CCKAR: variants seen among roughly 807,000 people sequenced by gnomAD.
CCKAR encodes cholecystokinin A receptor, also known as cholecystokinin receptor type A.
CCKAR carries 21 observed loss-of-function variants against 29.8 expected under a neutral mutation model. The observed-to-expected ratio is 0.70, with a 90% confidence interval of 0.50 to 1.01. The LOEUF is 1.01. Among genes scored for constraint, CCKAR ranks in the 50% least tolerant of loss-of-function variants. CCKAR has a pLI of 0.00. For missense variants in CCKAR, 570 were observed against 560.6 expected (o/e 1.02, Z -0.17); for synonymous variants, 238 against 221.3 (o/e 1.08, Z -0.67).
chr4:26,481,792 C>T lies in CCKAR; in HGVS notation c.1133G>A (p.Arg378His). The T allele has an allele frequency of 6.2e-7, 1 of 1,613,842 alleles. No homozygotes were observed. The highest frequency in any genetic ancestry group is 8.5e-7 in the Non-Finnish European group (1 of 1,179,884). ...IIYCFMNKRF[R>H]LGFMATFPCC... ...GGGGAAGGTGGCCATGAAGCCGAGGCGGAAGCGTTTGTTCATGAAGCAGTA... is the reference window on the plus strand; with the variant it reads ...GGGGAAGGTGGCCATGAAGCCGAGGTGGAAGCGTTTGTTCATGAAGCAGTA... Residue 378 changes from arginine (R) to histidine (H), a missense_variant, in exon 5 of 5, where the codon CGC becomes CAC. Arg to His is a conservative substitution (Grantham distance 29). Coordinates refer to ENST00000295589, the MANE Select transcript of CCKAR (RefSeq NM_000730.3).
intron 2 of CCKAR, among the ~76,000 whole-genome samples, chr4:26,487,931 T>C (rs570533524): frequency 2.6e-4 from 39 of 152,208 alleles, no homozygotes; most frequent in African/African-American, 9.2e-4. Flanking sequence ...TTTTTTTTTT[T>C]TTCAGAGGAC....
intron 3 of CCKAR, among the ~76,000 whole-genome samples, chr4:26,484,313 G>A (rs1416746178): frequency 1.3e-5 from 2 of 152,142 alleles, no homozygotes; most frequent in African/African-American, 2.4e-5. Context: ...TCCTTTGTGT[G>A]TGTGCTACTT....
intron 3 of CCKAR, among the ~76,000 whole-genome samples, chr4:26,484,385 C>T (rs748364648): frequency 6.6e-6 from 1 of 152,212 alleles, no homozygotes; most frequent in Non-Finnish European, 1.5e-5. Flanking sequence ...GGCTGTTACT[C>T]AATGTCTAGT....
chr4:26,485,465 G>A (rs982459098), intron 3 of CCKAR, among the ~76,000 whole-genome samples, 172 bp downstream of exon 3: 2 of 152,072 alleles, frequency 1.3e-5, no homozygotes, highest in East Asian at 1.9e-4. Context: ...AACAGAGCTC[G>A]CCAGCTAAGT....
At position 26,489,588 on chromosome 4, in the gene CCKAR, G is replaced by A. The variant is rs10009085; in HGVS notation, c.113-104C>T. On this transcript the variant is annotated intron_variant, in intron 1 of 4. Transcript: ENST00000295589. Reference sequence around the variant, plus strand: ...TCCTGCCGATTTTCCCCCCACCGGGGTGTACATCACTGGACCCACGATTCC... The same window carrying A: ...TCCTGCCGATTTTCCCCCCACCGGGATGTACATCACTGGACCCACGATTCC... 3.4e-3 allele frequency: 4,537 copies of A among 1,350,764 alleles called. 110 individuals are homozygous for A. The African/African-American group carries it at 0.057, about 17-fold the overall frequency. The allele number at this position is 1,350,764 out of a possible 1,614,324, so 83.7% of individuals were successfully genotyped here.
intron 3 of CCKAR, among the ~76,000 whole-genome samples, chr4:26,485,293 A>C (rs1338397160): frequency 2.0e-5 from 3 of 152,292 alleles, no homozygotes; most frequent in East Asian, 3.9e-4. Context: ...CTGCATAATG[A>C]TTAAGCACAG....
rs1280617353 is a variant in CCKAR at position 26,489,438 on chromosome 4, C to A, written c.159G>T (p.Leu53=). 5 of 1,614,152 alleles carry A rather than the reference C, an allele frequency of 3.1e-6. No individual in the cohort carries two copies. Among genetic ancestry groups the A allele is most frequent in the Admixed American group, 3.3e-5 (2 of 60,030 alleles). ...CCAGCGTGTTTCCCAGCACGCTGAG[C>A]AGGAATATCAAGGAGTACAAGAGAA... ...VQILLYSLIF[L]LSVLGNTLVI... Residue 53 remains leucine, a synonymous_variant, in exon 2 of 5, where the codon CTG becomes CTT. Transcript: ENST00000295589.
At position 26,485,692 on chromosome 4, in the gene CCKAR, G is replaced by A. The variant is rs1560369019; in HGVS notation, c.571C>T (p.Gln191Ter). The A allele has an allele frequency of 1.9e-6, 3 of 1,614,178 alleles. No homozygotes were observed. The highest frequency in any genetic ancestry group is 2.5e-6 in the Non-Finnish European group (3 of 1,180,026). The change falls in exon 3 of 5, where the codon CAG becomes TAG. Residue 191 changes from glutamine to a stop codon, truncating the protein, a stop_gained. Transcript: ENST00000295589. LOFTEE classifies it high-confidence loss of function. The part of the protein sequence containing the change: ...NLVPFTKNNN[Q>*]TANMCRFLLP... ...AGAAAGCGGCACATATTCGCGGTCT[G>A]GTTGTTATTTTTGGTAAAAGGCACC...
intron 3 of CCKAR, 122 bp downstream of exon 3, chr4:26,485,515 C>T: frequency 1.0e-6 from 1 of 992,570 alleles, no homozygotes; most frequent in South Asian, 1.6e-5. Flanking sequence ...GCTAGAAAGA[C>T]CTTCTCAAAA....
Position 26,484,611 on chromosome 4 carries a change from T to G in CCKAR, c.626+1026A>C, listed in dbSNP as rs1461332395. ...TGTGAATTTGCCTAAGGTGTGCAGT[T>G]AGTAAGCAAAGGAACCAGTATTAGA... On this transcript the variant is annotated intron_variant, in intron 3 of 4. Coordinates refer to ENST00000295589, the MANE Select transcript of CCKAR (RefSeq NM_000730.3). Among the ~76,000 whole-genome samples, 3 of 152,196 alleles carry G rather than the reference T, an allele frequency of 2.0e-5. No homozygotes were observed. The East Asian group carries it at 5.8e-4, about 29-fold the overall frequency.
rs778289728 is a variant in CCKAR at position 26,489,240 on chromosome 4, G to A, written c.357C>T (p.Tyr119=). Residue 119 remains tyrosine (Y), a synonymous_variant, in exon 2 of 5, where the codon TAC becomes TAT. Transcript: ENST00000295589. The stretch of plus-strand genomic sequence containing the variant: ...TCACCAGCAGCAACTTACCCATGAA[G>A]TAGGTGGTGGTCTTGCAAACGGCGC... The part of the protein sequence containing the change: ...FGSAVCKTTT[Y]FMGTSVSVST... 10 of 1,613,962 alleles carry A rather than the reference G, an allele frequency of 6.2e-6. No individual in the cohort carries two copies. Among genetic ancestry groups the A allele is most frequent in the African/African-American group, 1.3e-5 (1 of 74,914 alleles).
At position 26,490,168 on chromosome 4, in the gene CCKAR, G is replaced by A. The variant is rs536379349; in HGVS notation, c.100C>T (p.Arg34Cys). The A allele has an allele frequency of 2.8e-5, 45 of 1,609,808 alleles. No homozygotes were observed. In the South Asian group the frequency reaches 4.4e-4, roughly 16 times the overall value. Reference sequence around the variant, plus strand: ...TTCCGACACTTACCTTTGGAAGGACGGGGCTGATCCAAGCAGAAAAGCGTC... The same window carrying A: ...TTCCGACACTTACCTTTGGAAGGACAGGGCTGATCCAAGCAGAAAAGCGTC... ...NETLFCLDQP[R>C]PSKEWQPAVQ... is the part of the protein sequence containing the mutation. Residue 34 changes from arginine to cysteine, a missense_variant, in exon 1 of 5, where the codon CGT (arginine) becomes TGT (cysteine). By Grantham distance (180) the Arg-to-Cys change is radical. Coordinates refer to ENST00000295589, the MANE Select transcript of CCKAR (RefSeq NM_000730.3).
intron 2 of CCKAR, among the ~76,000 whole-genome samples, chr4:26,486,230 C>T (rs1031884047): frequency 5.9e-5 from 9 of 152,118 alleles, no homozygotes; most frequent in African/African-American, 1.9e-4. Flanking sequence ...TTCTTGCCCC[C>T]ACAGAAGAGG....
rs762499096 is a variant in CCKAR at position 26,485,812 on chromosome 4, C to T, written c.451G>A (p.Val151Ile). The change falls in exon 3 of 5, where the codon GTC becomes ATC. Residue 151 changes from valine (V) to isoleucine (I), a missense_variant. By Grantham distance (29) the Val-to-Ile change is conservative (BLOSUM62 3). Transcript: ENST00000295589. ...AAAGCATGGGATTTTGTCTGCCAGA[C>T]CCGGGACTGTAAGGGTTTGCAAATC... ...GAICKPLQSR[V>I]WQTKSHALKV... is the part of the protein sequence containing the mutation. 5 of 1,613,904 alleles carry T rather than the reference C, an allele frequency of 3.1e-6. No homozygotes were observed. Among genetic ancestry groups the T allele is most frequent in the Non-Finnish European group, 4.2e-6 (5 of 1,180,002 alleles).
chr4:26,485,730 A>G lies in CCKAR; in HGVS notation c.533T>C (p.Ile178Thr). The stretch of plus-strand genomic sequence containing the variant: ...GGTAAAAGGCACCAAGTTGCTATAA[A>G]TGGGGTACGGAGTCATGATGGTAAA... ...LSFTIMTPYP[I>T]YSNLVPFTKN... The change falls in exon 3 of 5, where the codon ATT becomes ACT. Residue 178 changes from isoleucine (I) to threonine (T), a missense_variant. Ile to Thr is a moderately conservative substitution (Grantham distance 89). Transcript: ENST00000295589. 6.2e-7 allele frequency: 1 copy of G among 1,614,162 alleles called. No individual in the cohort carries two copies. The highest frequency in any genetic ancestry group is 8.5e-7 in the Non-Finnish European group (1 of 1,180,026).
In CCKAR at chr4:26,481,570, T is replaced by C; in HGVS notation, c.*68A>G. The C allele has an allele frequency of 2.6e-6, 4 of 1,540,284 alleles. No homozygotes were observed. The South Asian group carries it at 4.5e-5, about 17-fold the overall frequency. ...AGCTCTGCTCCTTCTCTTCCTGATC[T>C]CTTCTTCCGTTCTTTCTTCTCTGCC... On this transcript the variant is annotated 3_prime_UTR_variant, in exon 5 of 5. Transcript: ENST00000295589.
chr4:26,489,580 C>T (rs1316732619), intron 1 of CCKAR, 96 bp from the exon 2 acceptor site: 4 of 1,438,042 alleles, frequency 2.8e-6, no homozygotes, highest in Non-Finnish European at 3.8e-6. Flanking sequence ...GATTTTCCCC[C>T]CACCGGGGTG....
intron 1 of CCKAR, 81 bp downstream of exon 1, chr4:26,490,074 AT>A: frequency 2.4e-6 from 2 of 841,996 alleles, no homozygotes; most frequent in Middle Eastern, 4.5e-4. Context: ...GGTTATATAT[AT>A]TTTTTATCAG....
In CCKAR at chr4:26,481,905, G is replaced by A. The variant is rs115316249; in HGVS notation, c.1020C>T (p.Thr340=). The A allele has an allele frequency of 2.0e-5, 32 of 1,614,226 alleles. No individual in the cohort carries two copies. In the South Asian group the frequency reaches 2.4e-4, roughly 12 times the overall value. The change falls in exon 5 of 5, where the codon ACC becomes ACT. Residue 340 remains threonine, a synonymous_variant. Transcript: ENST00000295589. ...CTGAGAGGCGGCGCTCTGCGGAGGC[G>A]GTGTCGTAGGCCCGCCAGGCGTTGG... is the stretch of plus-strand genomic sequence containing the variant. ...FSANAWRAYD[T]ASAERRLSGT...
Sources: allele counts gnomAD v4.1 joint callset (sites outside exome capture counted in the v4.1 genomes callset), GRCh38; gene constraint gnomAD v4.1.1; transcripts MANE v1.5; gene names NCBI Gene and HGNC (gene_info 2026-07-23, HGNC 2026-07-21).